SKIL: variants seen among roughly 807,000 people sequenced by gnomAD.
SKIL encodes ski-like protein.
In SKIL, 20 loss-of-function variants were observed where a neutral mutation model predicts 69.6. The observed-to-expected ratio is 0.29, with a 90% CI of 0.20 to 0.42. The LOEUF (loss-of-function observed/expected upper bound fraction) is 0.42. Among genes scored for constraint, SKIL ranks in the 10% least tolerant of loss-of-function variants. SKIL has a pLI of 1.00. For missense variants in SKIL, 745 were observed against 783.1 expected (o/e 0.95, Z 0.58); for synonymous variants, 310 against 279.9 (o/e 1.11, Z -1.08).
chr3:170,373,422 TCC>T, intron 2 of SKIL, among the ~76,000 whole-genome samples: 1 of 151,922 alleles, frequency 6.6e-6, no homozygotes, highest in East Asian at 1.9e-4. Context: ...CAGGTGATCC[TCC>T]GCCTTGGCCT....
In SKIL at chr3:170,394,125, T is replaced by C; in HGVS notation, c.*1708T>C. On this transcript the variant is annotated 3_prime_UTR_variant, in exon 7 of 7. Transcript: ENST00000259119. ...GACATGTAGAAACAAATTTTTTTTT[T>C]TTTTTTTTTTTTTTTTTTTTTGAGA... 1 of 111,496 alleles carries C rather than the reference T, an allele frequency of 9.0e-6. No homozygotes were observed. The highest frequency in any genetic ancestry group is 1.8e-5 in the Non-Finnish European group (1 of 55,924). 6.9% of individuals were successfully genotyped at this position (111,496 alleles called of 1,614,324 possible).
chr3:170,390,962 A>G (rs939929823), intron 5 of SKIL, 74 bp from the exon 6 acceptor site: 16 of 748,586 alleles, frequency 2.1e-5, no homozygotes, highest in South Asian at 7.0e-5. Context: ...TTTCTGTGCT[A>G]TGTTTTCCAG....
In SKIL at chr3:170,391,086, A is replaced by ACAG; in HGVS notation, c.1726_1728dup (p.Gln576dup). 1 of 1,609,504 alleles carries ACAG rather than the reference A, an allele frequency of 6.2e-7. No homozygotes were observed. The highest frequency in any genetic ancestry group is 8.5e-7 in the Non-Finnish European group (1 of 1,176,016). On this transcript the variant is annotated inframe_insertion, in exon 6 of 7. Transcript: ENST00000259119. The stretch of plus-strand genomic sequence containing the variant: ...AATCTATGAAGGAACTCACTGAAGA[A>ACAG]CAGCAGAATTTACAGAAAGAGCTTG...
chr3:170,366,887 C>T (rs1404547244), intron 2 of SKIL, among the ~76,000 whole-genome samples: 1 of 151,676 alleles, frequency 6.6e-6, no homozygotes, highest in Non-Finnish European at 1.5e-5. Context: ...GGATATTCAG[C>T]AAAATCAGAA....
At position 170,361,296 on chromosome 3, in the gene SKIL, C is replaced by T. The variant is rs1736218979; in HGVS notation, c.965C>T (p.Ser322Leu). The T allele has an allele frequency of 1.2e-6, 2 of 1,614,174 alleles. No homozygotes were observed. The highest frequency in any genetic ancestry group is 1.7e-6 in the Non-Finnish European group (2 of 1,180,036). ...AGAACTTGCCACTGGGGCTTTGAAT[C>T]AGCTAAATGGCATTGCTATCTTCAT... is the stretch of plus-strand genomic sequence containing the variant. ...DKRTCHWGFE[S>L]AKWHCYLHVN... Residue 322 changes from serine to leucine, a missense_variant, in exon 2 of 7, where the codon TCA becomes TTA. Physicochemically the swap from Ser to Leu is moderately radical, Grantham distance 145. Transcript: ENST00000259119.
intron 2 of SKIL, among the ~76,000 whole-genome samples, chr3:170,375,198 T>G (rs1020681106): frequency 5.9e-5 from 9 of 152,222 alleles, no homozygotes; most frequent in Admixed American, 5.9e-4. Flanking sequence ...TAGGTGATCT[T>G]TAAGATTCCT....
At chr3:170,371,380 G>A (rs1483197417) in intron 2 of SKIL, among the ~76,000 whole-genome samples, 2 of 152,082 alleles carry the variant, frequency 1.3e-5, no homozygotes, top group Non-Finnish European at 2.9e-5. Context: ...GGTGGCACAC[G>A]CCTGTAATTA....
At chr3:170,370,285 C>T (rs1397040594) in intron 2 of SKIL, among the ~76,000 whole-genome samples, 1 of 151,982 alleles carries the variant, frequency 6.6e-6, no homozygotes, top group Non-Finnish European at 1.5e-5. Flanking sequence ...ATCACTAACT[C>T]ATTATATTAG....
intron 2 of SKIL, among the ~76,000 whole-genome samples, chr3:170,371,707 C>A (rs183039034): frequency 6.6e-6 from 1 of 152,118 alleles, no homozygotes; most frequent in African/African-American, 2.4e-5. Flanking sequence ...TCCCAGTGAT[C>A]GTACTGGTAC....
At chr3:170,379,146 A>G (rs1299440865) in intron 2 of SKIL, among the ~76,000 whole-genome samples, 1 of 151,378 alleles carries the variant, frequency 6.6e-6, no homozygotes, top group African/African-American at 2.4e-5. Flanking sequence ...CGCCCAGCTA[A>G]TTTTTGTATT....
intron 2 of SKIL, among the ~76,000 whole-genome samples, chr3:170,375,932 G>A (rs1323136779): frequency 4.0e-5 from 6 of 151,652 alleles, no homozygotes; most frequent in East Asian, 3.9e-4. Flanking sequence ...TTCTTGGGCA[G>A]TACATCTAGA....
At chr3:170,380,389 TCC>T (rs1203006726) in intron 2 of SKIL, among the ~76,000 whole-genome samples, 2 of 152,176 alleles carry the variant, frequency 1.3e-5, no homozygotes, top group African/African-American at 4.8e-5. Flanking sequence ...ATGCCTGTAA[TCC>T]CTGCACTTTG....
At chr3:170,382,167 A>G (rs1737387519) in intron 3 of SKIL, among the ~76,000 whole-genome samples, 1 of 152,194 alleles carries the variant, frequency 6.6e-6, no homozygotes. Flanking sequence ...TTATCATTAT[A>G]GGGAAATGGT....
At position 170,360,197 on chromosome 3, in the gene SKIL, AG is replaced by A; in HGVS notation, c.-131del. 1.2e-6 allele frequency: 1 copy of A among 830,380 alleles called. No homozygotes were observed. The allele number at this position is 830,380 out of a possible 1,614,324, so 51.4% of individuals were successfully genotyped here. ...CTAAGTCGCAAAATTTATTAATTTA[AG>A]GGGCTCTCGCTTTGAAAGTTTGAGA... is the stretch of plus-strand genomic sequence containing the variant. On this transcript the variant is annotated 5_prime_UTR_variant, in exon 2 of 7. Coordinates refer to ENST00000259119, the MANE Select transcript of SKIL (RefSeq NM_005414.5).
chr3:170,360,460 A>G lies in SKIL; in HGVS notation c.129A>G (p.Ile43Met). 1 of 1,614,060 alleles carries G rather than the reference A, an allele frequency of 6.2e-7. No individual in the cohort carries two copies. Among genetic ancestry groups the G allele is most frequent in the Non-Finnish European group, 8.5e-7 (1 of 1,180,014 alleles). The part of the protein sequence containing the change: ...ITDIHANGKT[I>M]NKVPTVKKEH... ...ACATTCATGCAAATGGAAAAACGAT[A>G]AACAAGGTGCCAACAGTTAAGAAGG... The change falls in exon 2 of 7, where the codon ATA (isoleucine) becomes ATG (methionine). Residue 43 changes from isoleucine (I) to methionine (M), a missense_variant. Coordinates refer to ENST00000259119, the MANE Select transcript of SKIL (RefSeq NM_005414.5).
At chr3:170,383,181 T>C (rs968952420) in intron 3 of SKIL, among the ~76,000 whole-genome samples, 3 of 152,232 alleles carry the variant, frequency 2.0e-5, no homozygotes, top group African/African-American at 7.2e-5. Flanking sequence ...TGTAAATCTG[T>C]ATTCCCTCCA....
chr3:170,370,444 C>CAG, intron 2 of SKIL, among the ~76,000 whole-genome samples: 1 of 13,694 alleles, frequency 7.3e-5, no homozygotes, highest in African/African-American at 3.5e-4. Flanking sequence ...AGAGAGCCCC[C>CAG]CCCCCCCCCC....
At chr3:170,380,334 G>C (rs909158805) in intron 2 of SKIL, among the ~76,000 whole-genome samples, 8 of 152,072 alleles carry the variant, frequency 5.3e-5, no homozygotes, top group Non-Finnish European at 1.2e-4. Context: ...TACCTTTATA[G>C]AGTTCTATTA....
At chr3:170,366,553 G>A (rs1736523303) in intron 2 of SKIL, among the ~76,000 whole-genome samples, 1 of 152,152 alleles carries the variant, frequency 6.6e-6, no homozygotes, top group South Asian at 2.1e-4. Context: ...GGTGACACAC[G>A]CCTGTAATCC....
Sources: gnomAD v4.1 joint callset for allele counts (sites outside exome capture counted in the v4.1 genomes callset) on GRCh38, gnomAD v4.1.1 for gene constraint, MANE v1.5 for transcripts, NCBI Gene and HGNC (gene_info 2026-07-23, HGNC 2026-07-21) for gene names.